Variants in CTDP1 observed in about 807,000 individuals in gnomAD.
CTDP1 encodes CTD phosphatase 1.
Under a neutral mutation model 91.8 loss-of-function variants are expected in CTDP1, and 47 were observed. The ratio of observed to expected loss-of-function variants is 0.51; its 90% CI spans 0.41 to 0.65. The LOEUF (loss-of-function observed/expected upper bound fraction) is 0.65, where lower values mean the gene tolerates loss of function less well. Among genes scored for constraint, CTDP1 ranks in the 30% least tolerant of loss-of-function variants. CTDP1 has a pLI of 0.00. For synonymous variants in CTDP1, 656 were observed against 598.5 expected, an observed-to-expected ratio of 1.10 and a Z score of -1.40; for missense variants, 1,272 against 1,373.7, an observed-to-expected ratio of 0.93 and a Z score of 1.17.
chr18:79,732,007 G>A (rs140690749), intron 11 of CTDP1, among the ~76,000 whole-genome samples: 76 of 151,642 alleles, frequency 5.0e-4, no homozygotes, highest in African/African-American at 1.8e-3. Context: ...CCCATGAGAT[G>A]TAAGAACTCA....
intron 8 of CTDP1, among the ~76,000 whole-genome samples, 172 bp downstream of exon 8, chr18:79,715,700 C>T (rs894442850): frequency 3.9e-5 from 6 of 152,228 alleles, no homozygotes; most frequent in Admixed American, 1.3e-4. Context: ...AGTTTGGGCA[C>T]GTTCATGCTT....
chr18:79,708,284 A>G (rs1314933442), intron 5 of CTDP1, among the ~76,000 whole-genome samples: 1 of 152,178 alleles, frequency 6.6e-6, no homozygotes, highest in Non-Finnish European at 1.5e-5. Context: ...CTTCTGTTTT[A>G]ATTGTAATGT....
intron 3 of CTDP1, among the ~76,000 whole-genome samples, chr18:79,697,267 G>A (rs948361045): frequency 4.6e-5 from 7 of 152,234 alleles, no homozygotes. Context: ...GCCAGTTACA[G>A]TGAGAAAGGC....
At chr18:79,726,258 C>A (rs1449329855) in intron 10 of CTDP1, among the ~76,000 whole-genome samples, 1 of 152,216 alleles carries the variant, frequency 6.6e-6, no homozygotes, top group Admixed American at 6.5e-5. Flanking sequence ...CTGTCTCCTT[C>A]ATTTGTTGCT....
chr18:79,731,347 G>A (rs1016873778), intron 11 of CTDP1, among the ~76,000 whole-genome samples: 1 of 150,598 alleles, frequency 6.6e-6, no homozygotes, highest in Admixed American at 6.6e-5. Context: ...CACGTCGACA[G>A]AGGAGAGGCA....
chr18:79,709,337 C>T (rs1329863793), intron 5 of CTDP1, among the ~76,000 whole-genome samples: 3 of 152,154 alleles, frequency 2.0e-5, no homozygotes, highest in Non-Finnish European at 2.9e-5. Context: ...ACTTTGCAAA[C>T]TTAGGAAGAT....
intron 4 of CTDP1, among the ~76,000 whole-genome samples, chr18:79,698,526 A>G (rs543533121): frequency 6.6e-6 from 1 of 152,288 alleles, no homozygotes; most frequent in East Asian, 1.9e-4. Context: ...ATGCACACGA[A>G]ACCCTTCCTG....
chr18:79,700,030 A>G (rs2085825850), intron 4 of CTDP1, among the ~76,000 whole-genome samples: 1 of 152,078 alleles, frequency 6.6e-6, no homozygotes, highest in African/African-American at 2.4e-5. Flanking sequence ...GGTGCCACGA[A>G]CCACACCCAC....
intron 7 of CTDP1, among the ~76,000 whole-genome samples, chr18:79,714,058 C>T (rs943253871): frequency 1.4e-4 from 21 of 150,060 alleles, no homozygotes; most frequent in Admixed American, 4.6e-4. Context: ...CTTACGGCCA[C>T]GGTGGCGCCA....
In CTDP1 at chr18:79,715,291, T is replaced by C. The variant is rs2086181676; in HGVS notation, c.1831T>C (p.Tyr611His). The C allele has an allele frequency of 1.2e-6, 2 of 1,610,420 alleles. No individual in the cohort carries two copies. The change falls in exon 8 of 13, where the codon TAC (tyrosine) becomes CAC (histidine). Residue 611 changes from tyrosine (Y) to histidine (H), a missense_variant. Transcript: ENST00000613122. The part of the protein sequence containing the change: ...HTDYYAKYDR[Y>H]LNKEIEEAPD... ...TGACTACTATGCCAAGTATGACCGC[T>C]ACCTCAACAAGGAGATCGAGGAGGC...
chr18:79,703,558 A>G (rs2085902201), intron 4 of CTDP1: 1 of 152,254 alleles, frequency 6.6e-6, no homozygotes, highest in African/African-American at 2.4e-5. Flanking sequence ...GCGTTATACC[A>G]GGTTACCCGG....
intron 12 of CTDP1, among the ~76,000 whole-genome samples, chr18:79,746,372 G>A (rs188018962): frequency 6.6e-6 from 1 of 151,724 alleles, no homozygotes. Flanking sequence ...TCCCATGCGC[G>A]TTCTGTCCGT....
chr18:79,728,941 G>C lies in CTDP1; in HGVS notation c.2452G>C (p.Glu818Gln). 6.2e-7 allele frequency: 1 copy of C among 1,614,184 alleles called. No homozygotes were observed. Among genetic ancestry groups the C allele is most frequent in the Non-Finnish European group, 8.5e-7 (1 of 1,180,044 alleles). The change falls in exon 11 of 13, where the codon GAA (glutamate) becomes CAA (glutamine). Residue 818 changes from glutamate to glutamine, a missense_variant. This residue lies in a region of CTDP1 where 881 missense variants were observed against 911.6 expected (regional missense o/e 0.97). Coordinates refer to ENST00000613122, the MANE Select transcript of CTDP1 (RefSeq NM_004715.5). ...GCCACCCCAGCCGCAGATGTTTGGT[G>C]AAGAGCTGCCTGACGCTCAGGACGG... ...VPPPQPQMFG[E>Q]ELPDAQDGEQ...
chr18:79,737,710 C>T (rs904463113), intron 12 of CTDP1, among the ~76,000 whole-genome samples: 4 of 152,152 alleles, frequency 2.6e-5, no homozygotes, highest in East Asian at 3.9e-4. Flanking sequence ...CCTGCCGTGC[C>T]GTTAGGCATT....
At chr18:79,679,293 G>A (rs867850853), upstream of CTDP1, 7 of 410,794 alleles carry the variant, frequency 1.7e-5, no homozygotes, top group East Asian at 7.3e-5. Context: ...TCCGGGGGGG[G>A]ACACGAGGCG....
At chr18:79,736,133 GA>G (rs1380815062) in intron 11 of CTDP1, 1 of 610,740 alleles carries the variant, frequency 1.6e-6, no homozygotes, top group African/African-American at 1.9e-5. Flanking sequence ...CTTTGCCTGC[GA>G]ACCGACTGGG....
chr18:79,738,717 G>A (rs1019225597), intron 12 of CTDP1, among the ~76,000 whole-genome samples: 5 of 152,356 alleles, frequency 3.3e-5, no homozygotes, highest in Admixed American at 1.3e-4. Context: ...GATAGTCATT[G>A]TTCCGTTTGC....
chr18:79,747,357 G>C (rs1466935447), intron 12 of CTDP1, among the ~76,000 whole-genome samples: 1 of 152,206 alleles, frequency 6.6e-6, no homozygotes, highest in Non-Finnish European at 1.5e-5. Context: ...TTCACACCCA[G>C]AGCTGTGGCA....
chr18:79,735,046 G>A (rs955097629), intron 11 of CTDP1, among the ~76,000 whole-genome samples: 2 of 152,344 alleles, frequency 1.3e-5, no homozygotes, highest in Non-Finnish European at 1.5e-5. Context: ...TGAAATTGCA[G>A]AGTGGACGGG....
Sources: allele counts gnomAD v4.1 joint callset (sites outside exome capture counted in the v4.1 genomes callset), GRCh38; gene constraint gnomAD v4.1.1; regional missense constraint gnomAD v4.1.1; transcripts MANE v1.5; gene names NCBI Gene and HGNC (gene_info 2026-07-23, HGNC 2026-07-21).